Variants in BOP1 observed in about 807,000 individuals in gnomAD.
BOP1 encodes ribosome biogenesis protein BOP1.
Under a neutral mutation model 82.9 loss-of-function variants are expected in BOP1, and 54 were observed. The observed-to-expected ratio is 0.65, with a 90% CI of 0.52 to 0.82. BOP1 has a LOEUF of 0.82. BOP1 is among the 40% of genes least tolerant of loss of function. The pLI, the probability that BOP1 is intolerant of heterozygous loss-of-function variation, is 0.00. For missense variants in BOP1, 1,170 were observed against 1,072.0 expected, an observed-to-expected ratio of 1.09 and a Z score of -1.28; for synonymous variants, 566 against 451.1, an observed-to-expected ratio of 1.25 and a Z score of -3.23.
intron 3 of BOP1, among the ~76,000 whole-genome samples, chr8:144,267,594 C>T (rs1003671269): frequency 6.6e-6 from 1 of 152,268 alleles, no homozygotes; most frequent in Non-Finnish European, 1.5e-5. Context: ...TTAGCCCCTG[C>T]GGCCCAGCAC....
chr8:144,274,265 C>T (rs1845537168), intron 3 of BOP1, among the ~76,000 whole-genome samples: 2 of 152,322 alleles, frequency 1.3e-5, no homozygotes, highest in East Asian at 1.9e-4. Flanking sequence ...GCAGTGAGGT[C>T]GGCCCTCTCT....
Position 144,291,413 on chromosome 8 carries a change from C to G in BOP1, c.-43G>C, listed in dbSNP as rs1815072711. The G allele has an allele frequency of 9.0e-7, 1 of 1,110,106 alleles. No individual in the cohort carries two copies. Among genetic ancestry groups the G allele is most frequent in the African/African-American group, 1.7e-5 (1 of 59,990 alleles). The allele number at this position is 1,110,106 out of a possible 1,614,324, so 68.8% of individuals were successfully genotyped here. A position where few individuals can be genotyped will look rare whatever the true frequency, so the allele number is the denominator to read the frequency against. ...CCGCCACCCGCACAGCCGCTTCCGA[C>G]AGCGACCGGGCCGCGTGCGCAGGAG... On this transcript the variant is annotated 5_prime_UTR_variant, in exon 1 of 16. Transcript: ENST00000569669. This position sits in a 1 kb window ranked among gnomAD's most constrained non-coding sequence, Gnocchi z 4.1.
rs2130178995 is a variant in BOP1, at chr8:144,262,115, G to A, written c.*49C>T. 1.9e-6 allele frequency: 3 copies of A among 1,609,898 alleles called. No homozygotes were observed. The highest frequency in any genetic ancestry group is 1.1e-5 in the South Asian group (1 of 90,950). ...GAGCACCAGGCAGCACAGGGTAAAG[G>A]CTCTGTTGACTTCAGCACGACCACC... On this transcript the variant is annotated 3_prime_UTR_variant, in exon 16 of 16. Transcript: ENST00000569669.
chr8:144,276,505 C>T (rs113494834), intron 2 of BOP1, among the ~76,000 whole-genome samples: 1,664 of 152,282 alleles, frequency 0.011, 34 homozygotes, highest in African/African-American at 0.038. Context: ...GTCCTGCCCA[C>T]GGCCCTGTCC....
chr8:144,263,945 CCT>C (rs1491250510), intron 8 of BOP1, 34 bp from the exon 9 acceptor site: 12 of 1,611,192 alleles, frequency 7.4e-6, no homozygotes, highest in African/African-American at 1.3e-5. Context: ...AGCCTTGCCC[CCT>C]GTGCCACCCC....
intron 2 of BOP1, among the ~76,000 whole-genome samples, chr8:144,288,511 G>A (rs944975419): frequency 6.6e-6 from 1 of 152,224 alleles, no homozygotes; most frequent in East Asian, 1.9e-4. Context: ...CTGGGCGACA[G>A]AGTGAGACTC....
At chr8:144,276,338 G>A (rs1845567883) in intron 2 of BOP1, 34 bp from the exon 3 acceptor site, 7 of 1,606,818 alleles carry the variant, frequency 4.4e-6, no homozygotes, top group Admixed American at 1.7e-5. Context: ...TCACTTCAGG[G>A]GATACAGGGT....
At chr8:144,285,009 C>T (rs1323094713) in intron 2 of BOP1, among the ~76,000 whole-genome samples, 2 of 152,128 alleles carry the variant, frequency 1.3e-5, no homozygotes, top group African/African-American at 4.8e-5. Context: ...TGGGGCTCTC[C>T]GCAGGACGCC....
intron 3 of BOP1, among the ~76,000 whole-genome samples, chr8:144,268,807 AGG>A (rs1845440756): frequency 1.3e-5 from 2 of 149,726 alleles, no homozygotes; most frequent in African/African-American, 5.0e-5. Context: ...AGGGACAGGG[AGG>A]CAGCGGCAGG....
At chr8:144,277,093 C>T in intron 2 of BOP1, among the ~76,000 whole-genome samples, 1 of 152,218 alleles carries the variant, frequency 6.6e-6, no homozygotes, top group East Asian at 1.9e-4. Flanking sequence ...AAAACAGGCC[C>T]ACCTCTCACC....
At chr8:144,272,587 C>T (rs925612579) in intron 3 of BOP1, among the ~76,000 whole-genome samples, 17 of 152,168 alleles carry the variant, frequency 1.1e-4, no homozygotes, top group African/African-American at 1.7e-4. Flanking sequence ...GCTGCCCACC[C>T]GGGTTCCAGC....
intron 2 of BOP1, among the ~76,000 whole-genome samples, chr8:144,284,948 C>T (rs1554839313): frequency 1.3e-5 from 2 of 151,790 alleles, no homozygotes; most frequent in Non-Finnish European, 2.9e-5. Flanking sequence ...GGGCCGCCAG[C>T]AGCTGACCCC....
intron 10 of BOP1, 23 bp downstream of exon 10, chr8:144,263,669 G>A: frequency 6.3e-7 from 1 of 1,593,230 alleles, no homozygotes; most frequent in Non-Finnish European, 8.5e-7. Context: ...CCCAGCTCAA[G>A]GCTGCCCCCA....
At chr8:144,270,273 T>G (rs1161634914) in intron 3 of BOP1, among the ~76,000 whole-genome samples, 6 of 151,152 alleles carry the variant, frequency 4.0e-5, no homozygotes, top group African/African-American at 1.2e-4. Context: ...CATGGGGAGG[T>G]CTGGGCAGGG....
In BOP1 at chr8:144,262,455, T is replaced by C; in HGVS notation, c.2028A>G (p.Pro676=). 2 of 1,612,060 alleles carry C rather than the reference T, an allele frequency of 1.2e-6. No homozygotes were observed. Among genetic ancestry groups the C allele is most frequent in the South Asian group, 2.2e-5 (2 of 91,018 alleles). Residue 676 remains proline, a synonymous_variant, in exon 15 of 16, where the codon CCA becomes CCG. Transcript: ENST00000569669. ...LRAVAFHPRY[P]LFASGSDDGS... ...CGTCGTCCGAGCCTGACGCAAAGAG[T>C]GGGTACCGCGGGTGGAAGGCCACAG...
In BOP1 at chr8:144,262,215, C is replaced by G; in HGVS notation, c.2190G>C (p.Gln730His). The G allele has an allele frequency of 4.3e-6, 7 of 1,612,702 alleles. No homozygotes were observed. Among genetic ancestry groups the G allele is most frequent in the Non-Finnish European group, 5.9e-6 (7 of 1,179,810 alleles). ...CTGCCCCCGAGGAGAAGACCCACGG[C>G]TGGGTGGGGTGGAAGATGACGTCCA... Reference protein sequence around the residue: ...GVLDVIFHPTQPWVFSSGADG... With the variant: ...GVLDVIFHPTHPWVFSSGADG... Residue 730 changes from glutamine (Q) to histidine (H), a missense_variant, in exon 16 of 16, where the codon CAG (glutamine) becomes CAC (histidine). By Grantham distance (24) the Gln-to-His change is conservative. Coordinates refer to ENST00000569669, the MANE Select transcript of BOP1 (RefSeq NM_015201.5).
In BOP1 at chr8:144,262,131, C is replaced by A; in HGVS notation, c.*33G>T. The stretch of plus-strand genomic sequence containing the variant: ...AGGGTAAAGGCTCTGTTGACTTCAG[C>A]ACGACCACCCCAGCCCCAGGCAGGC... On this transcript the variant is annotated 3_prime_UTR_variant, in exon 16 of 16. Transcript: ENST00000569669. The A allele has an allele frequency of 6.2e-7, 1 of 1,611,126 alleles. No homozygotes were observed. Among genetic ancestry groups the A allele is most frequent in the East Asian group, 2.2e-5 (1 of 44,862 alleles).
rs1430685507 is a variant in BOP1, at chr8:144,262,518, C to T, written c.1980-15G>A. 2 of 1,612,758 alleles carry T rather than the reference C, an allele frequency of 1.2e-6. No homozygotes were observed. The highest frequency in any genetic ancestry group is 1.7e-6 in the Non-Finnish European group (2 of 1,179,752). On this transcript the variant is annotated splice_polypyrimidine_tract_variant and intron_variant, in intron 14 of 15. Transcript: ENST00000569669. The stretch of plus-strand genomic sequence containing the variant: ...TCTTGTGGTGTCTGGGGGGAGGGAA[C>T]CAGGTTGAAGGCAGGCTCGGGCTGA...
Position 144,265,091 on chromosome 8 carries a change from T to C in BOP1, c.391-20A>G, listed in dbSNP as rs1845330144. Reference sequence around the variant, plus strand: ...GATGTCCTGCAGCCGGGGGCCACCATGTCGGCATCTGATCCTACAAGGCCC... The same window carrying C: ...GATGTCCTGCAGCCGGGGGCCACCACGTCGGCATCTGATCCTACAAGGCCC... On this transcript the variant is annotated intron_variant, in intron 3 of 15. Transcript: ENST00000569669. 6.9e-6 allele frequency: 11 copies of C among 1,600,894 alleles called. No individual in the cohort carries two copies. Among genetic ancestry groups the C allele is most frequent in the Non-Finnish European group, 9.4e-6 (11 of 1,173,688 alleles).
Sources: gnomAD v4.1 joint callset for allele counts (sites outside exome capture counted in the v4.1 genomes callset) on GRCh38, gnomAD v4.1.1 for gene constraint, Gnocchi (gnomAD v3.1) non-coding constraint, MANE v1.5 for transcripts, NCBI Gene and HGNC (gene_info 2026-07-23, HGNC 2026-07-21) for gene names.